Variants in CD5 observed in about 807,000 individuals in gnomAD.
The protein encoded by CD5 is T-cell surface glycoprotein CD5.
CD5 carries 36 observed loss-of-function variants against 60.3 expected under a neutral mutation model. That is an observed-to-expected ratio of 0.60 (90% confidence interval 0.46 to 0.79). The LOEUF (loss-of-function observed/expected upper bound fraction) is 0.79, where lower values mean the gene tolerates loss of function less well. Among genes scored for constraint, CD5 ranks in the 30% least tolerant of loss-of-function variants. The probability of loss-of-function intolerance (pLI) is 0.00; values close to 1 mark genes in which losing one functional copy is unlikely to be tolerated. For missense variants in CD5, 540 were observed against 630.6 expected (o/e 0.86, Z 1.54); for synonymous variants, 230 against 257.6 (o/e 0.89, Z 1.03).
At chr11:61,125,495 G>C (rs1025636496) in intron 9 of CD5, among the ~76,000 whole-genome samples, 2 of 152,206 alleles carry the variant, frequency 1.3e-5, no homozygotes, top group East Asian at 3.9e-4. Context: ...CTCCGGGCTA[G>C]AAGAGAGCCA....
intron 1 of CD5, among the ~76,000 whole-genome samples, chr11:61,108,379 C>A (rs1207785468): frequency 6.6e-6 from 1 of 152,224 alleles, no homozygotes; most frequent in Non-Finnish European, 1.5e-5. Flanking sequence ...TCTGCTGTTC[C>A]TTCCTGCGGG....
Position 61,123,033 on chromosome 11 carries a change from G to A in CD5, c.1225+1G>A. On this transcript the variant is annotated splice_donor_variant, in intron 7 of 10. Transcript: ENST00000347785. LOFTEE classifies it high-confidence loss of function. ...GCCTACAAGAAGCTAGTGAAGAAAT[G>A]TAGGTGTCACGGCCCTGAGTGGCTC... The A allele has an allele frequency of 1.2e-6, 2 of 1,609,598 alleles. No homozygotes were observed. Among genetic ancestry groups the A allele is most frequent in the South Asian group, 1.1e-5 (1 of 90,380 alleles).
At chr11:61,120,428 C>G (rs983225980) in intron 5 of CD5, among the ~76,000 whole-genome samples, 2 of 152,044 alleles carry the variant, frequency 1.3e-5, no homozygotes, top group Non-Finnish European at 2.9e-5. Flanking sequence ...ATTATCATCC[C>G]TTTTTACAGT....
rs183921154 is a variant in CD5, at chr11:61,119,001, C to G, written c.463+24C>G. The G allele has an allele frequency of 8.2e-6, 13 of 1,579,844 alleles. No individual in the cohort carries two copies. In the Admixed American group the frequency reaches 2.3e-4, roughly 28 times the overall value. ...AGGTAAGAGGATTCTGAACCCCCCA[C>G]AGGGAGTCAGAGCTAGCAAATAAAA... On this transcript the variant is annotated intron_variant, in intron 4 of 10. Transcript: ENST00000347785.
chr11:61,124,708 G>A (rs1861120410), intron 8 of CD5, among the ~76,000 whole-genome samples: 1 of 151,898 alleles, frequency 6.6e-6, no homozygotes, highest in Non-Finnish European at 1.5e-5. Flanking sequence ...CTCAGCTCCT[G>A]GAGGGCAGGG....
chr11:61,099,526 T>TTA (rs1565180636), upstream of CD5, among the ~76,000 whole-genome samples: 99 of 130,814 alleles, frequency 7.6e-4, 2 homozygotes, highest in African/African-American at 2.9e-3. Flanking sequence ...AACATGGAGA[T>TTA]CACATTCGCA....
rs554149580 is a variant in CD5 at position 61,105,173 on chromosome 11, C to T, written c.55+2558C>T. Reference sequence around the variant, plus strand: ...CCCCAGCAGGCCTGGGTGCTAGTGACAGGCCAGGGCTTCCCACAGTTGCTC... The same window carrying T: ...CCCCAGCAGGCCTGGGTGCTAGTGATAGGCCAGGGCTTCCCACAGTTGCTC... On this transcript the variant is annotated intron_variant, in intron 1 of 10. Coordinates refer to ENST00000347785, the MANE Select transcript of CD5 (RefSeq NM_014207.4). Among the ~76,000 whole-genome samples, 4 of 152,392 alleles carry T rather than the reference C, an allele frequency of 2.6e-5. No homozygotes were observed. The South Asian group carries it at 8.3e-4, about 32-fold the overall frequency.
In CD5 at chr11:61,119,145, T is replaced by C. The variant is rs193091884; in HGVS notation, c.464-89T>C. On this transcript the variant is annotated intron_variant, in intron 4 of 10. Transcript: ENST00000347785. ...CCAAGGCTAAGCGTTAGTCAGTAGT[T>C]GTCCACAAGTTGGGGCCAAACAGCA... 1.2e-4 allele frequency: 159 copies of C among 1,316,824 alleles called. 1 individual carries two copies. The highest frequency in any genetic ancestry group is 1.9e-5 in the Non-Finnish European group (18 of 954,450). 81.6% of individuals were successfully genotyped at this position (1,316,824 alleles called of 1,614,324 possible).
upstream of CD5, among the ~76,000 whole-genome samples, chr11:61,097,540 C>T (rs1282723487): frequency 6.6e-6 from 1 of 152,140 alleles, no homozygotes; most frequent in East Asian, 1.9e-4. Context: ...GACTGGACAG[C>T]CCCCACTGGA....
chr11:61,122,494 G>A (rs1400572162), intron 6 of CD5, among the ~76,000 whole-genome samples: 1 of 150,646 alleles, frequency 6.6e-6, no homozygotes, highest in Non-Finnish European at 1.5e-5. Flanking sequence ...TGAGTGGATG[G>A]ATGGATGGAT....
upstream of CD5, among the ~76,000 whole-genome samples, chr11:61,100,602 TCACACACACAACATGGAGATCA>T (rs199686412): frequency 6.9e-4 from 17 of 24,626 alleles, 1 homozygote; most frequent in African/African-American, 1.7e-3. Flanking sequence ...AACATGGAGA[TCACACACACAACATGGAGATCA>T]CACACACACA....
At position 61,123,006 on chromosome 11, in the gene CD5, T is replaced by C; in HGVS notation, c.1199T>C (p.Leu400Pro). The C allele has an allele frequency of 6.2e-7, 1 of 1,613,650 alleles. No homozygotes were observed. The highest frequency in any genetic ancestry group is 8.5e-7 in the Non-Finnish European group (1 of 1,179,770). ...LVVLLVVCGP[L>P]AYKKLVKKFR... ...GTGCTGCTGGTCGTGTGCGGCCCCC[T>C]TGCCTACAAGAAGCTAGTGAAGAAA... Residue 400 changes from leucine (L) to proline (P), a missense_variant, in exon 7 of 11, where the codon CTT becomes CCT. By Grantham distance (98) the Leu-to-Pro change is moderately conservative (BLOSUM62 -3). Transcript: ENST00000347785.
Position 61,121,633 on chromosome 11 carries a change from C to T in CD5, c.828C>T (p.Ser276=), listed in dbSNP as rs764926134. The T allele has an allele frequency of 6.6e-7, 1 of 1,524,352 alleles. No homozygotes were observed. Among genetic ancestry groups the T allele is most frequent in the Non-Finnish European group, 8.8e-7 (1 of 1,132,002 alleles). The allele number at this position is 1,524,352 out of a possible 1,614,324, so 94.4% of individuals were successfully genotyped here. The change falls in exon 6 of 11, where the codon AGC becomes AGT. Residue 276 remains serine (S), a synonymous_variant. Coordinates refer to ENST00000347785, the MANE Select transcript of CD5 (RefSeq NM_014207.4). ...LCSGFQPKVQ[S]RLVGGSSICE... ...CAGGTTTCCAGCCCAAGGTGCAGAG[C>T]CGTCTGGTGGGGGGCAGCAGCATCT...
Position 61,123,052 on chromosome 11 carries a change from G to A in CD5, c.1225+20G>A, listed in dbSNP as rs1437226485. On this transcript the variant is annotated intron_variant, in intron 7 of 10. Coordinates refer to ENST00000347785, the MANE Select transcript of CD5 (RefSeq NM_014207.4). The stretch of plus-strand genomic sequence containing the variant: ...AGAAATGTAGGTGTCACGGCCCTGA[G>A]TGGCTCCGTTCCCACGTGCAGAGAC... The A allele has an allele frequency of 6.3e-7, 1 of 1,593,524 alleles. No individual in the cohort carries two copies. Among genetic ancestry groups the A allele is most frequent in the East Asian group, 2.3e-5 (1 of 43,672 alleles).
At chr11:61,094,771 G>T in the CD5 span, among the ~76,000 whole-genome samples, 1 of 152,134 alleles carries the variant, frequency 6.6e-6, no homozygotes, top group Non-Finnish European at 1.5e-5. Context: ...TTCAAAAAGG[G>T]ATTTAAGGGA....
chr11:61,110,318 C>G (rs1437500560), intron 1 of CD5, among the ~76,000 whole-genome samples: 1 of 152,200 alleles, frequency 6.6e-6, no homozygotes, highest in African/African-American at 2.4e-5. Flanking sequence ...ACCGCCCTCC[C>G]TCCACCAGCT....
At chr11:61,110,966 A>G (rs984545924) in intron 1 of CD5, among the ~76,000 whole-genome samples, 18 of 152,206 alleles carry the variant, frequency 1.2e-4, no homozygotes, top group Admixed American at 6.5e-5. Context: ...TGGGGACCAG[A>G]CAGGCACCCA....
In CD5 at chr11:61,118,188, G is replaced by A. The variant is rs141935047; in HGVS notation, c.108G>A (p.Arg36=). The A allele has an allele frequency of 2.0e-5, 32 of 1,613,576 alleles. No individual in the cohort carries two copies. In the African/African-American group the frequency reaches 4.1e-4, roughly 21 times the overall value. Residue 36 remains arginine, a synonymous_variant, in exon 3 of 11, where the codon AGG becomes AGA. Coordinates refer to ENST00000347785, the MANE Select transcript of CD5 (RefSeq NM_014207.4). The surrounding 1 kb of genome is among the most constrained non-coding windows in gnomAD (Gnocchi z 4.7). Reference sequence around the variant, plus strand: ...TCTGACCCCCAGATTTCCAGGCAAGGCTCACCCGTTCCAACTCGAAGTGCC... The same window carrying A: ...TCTGACCCCCAGATTTCCAGGCAAGACTCACCCGTTCCAACTCGAAGTGCC... ...LSWYDPDFQA[R]LTRSNSKCQG... is the part of the protein sequence containing the mutation.
Position 61,126,279 on chromosome 11 carries a change from AC to A in CD5, c.*3-5del, listed in dbSNP as rs199874732. The A allele has an allele frequency of 0.01, 1,572 of 154,822 alleles. 32 individuals are homozygous for A. The highest frequency in any genetic ancestry group is 0.034 in the African/African-American group (1,419 of 41,594). The allele number at this position is 154,822 out of a possible 1,614,324, so 9.6% of individuals were successfully genotyped here. A position where few individuals can be genotyped will look rare whatever the true frequency, so the allele number is the denominator to read the frequency against. ...TCTTCCTCTAACACGTTTCCTTCTCACCCCACAGAACTGGGATCCATGAGCA... is the reference window on the plus strand; with the variant it reads ...TCTTCCTCTAACACGTTTCCTTCTCACCCACAGAACTGGGATCCATGAGCA... On this transcript the variant is annotated splice_polypyrimidine_tract_variant and splice_region_variant and intron_variant, in intron 10 of 10. Coordinates refer to ENST00000347785, the MANE Select transcript of CD5 (RefSeq NM_014207.4).
Sources: allele counts gnomAD v4.1 joint callset (sites outside exome capture counted in the v4.1 genomes callset), GRCh38; gene constraint gnomAD v4.1.1; non-coding constraint Gnocchi (gnomAD v3.1); transcripts MANE v1.5; gene names NCBI Gene and HGNC (gene_info 2026-07-23, HGNC 2026-07-21).